The following THSD7B variants were observed in gnomAD, a reference collection of about 807,000 sequenced individuals.
THSD7B encodes the protein thrombospondin type 1 domain containing 7B, also known as thrombospondin type-1 domain-containing protein 7B.
A neutral mutation model predicts 213.6 loss-of-function variants in THSD7B; 138 were observed. The ratio of observed to expected loss-of-function variants is 0.65; its 90% CI spans 0.56 to 0.74. THSD7B has a LOEUF of 0.74. Ranked by LOEUF, THSD7B falls within the 30% of genes least tolerant of loss-of-function variation. THSD7B has a pLI of 0.00. For synonymous variants in THSD7B, 742 were observed against 687.0 expected (o/e 1.08, Z -1.25); for missense variants, 1,931 against 1,991.5 (o/e 0.97, Z 0.58).
intron 14 of THSD7B, among the ~76,000 whole-genome samples, chr2:137,431,457 A>T (rs1422706110): frequency 6.6e-6 from 1 of 152,196 alleles, no homozygotes; most frequent in Non-Finnish European, 1.5e-5. Flanking sequence ...CTGGAAGAAA[A>T]AGATCTAGCT....
chr2:137,071,784 A>G (rs1427124721), intron 3 of THSD7B, among the ~76,000 whole-genome samples: 3 of 152,274 alleles, frequency 2.0e-5, no homozygotes, highest in Non-Finnish European at 2.9e-5. Context: ...TAATTTTTGT[A>G]TAAGGTGTAA....
chr2:136,779,301 T>A (rs13023726), intron 1 of THSD7B, among the ~76,000 whole-genome samples: 5,757 of 152,072 alleles, frequency 0.038, 173 homozygotes, highest in Non-Finnish European at 0.062. Flanking sequence ...TATAAAGTTT[T>A]TCCTTTGGGA....
intron 12 of THSD7B, among the ~76,000 whole-genome samples, chr2:137,404,448 T>G (rs1686449605): frequency 2.0e-5 from 2 of 98,656 alleles, no homozygotes; most frequent in Non-Finnish European, 2.0e-5. Flanking sequence ...TATATATATA[T>G]ATATATATAT....
Position 137,088,044 on chromosome 2 carries a change from A to C in THSD7B, c.951-6829A>C, listed in dbSNP as rs1383988119. ...TGCCTGAGTTCAGGAGTTCGATACC[A>C]GCCTGGGCAACACAGTGAAACCCTG... On this transcript the variant is annotated intron_variant, in intron 3 of 27. Transcript: ENST00000409968. 2.6e-5 allele frequency among the ~76,000 whole-genome samples: 4 copies of C among 152,138 alleles called. No homozygotes were observed. In the East Asian group the frequency reaches 7.8e-4, roughly 30 times the overall value.
In THSD7B at chr2:137,677,064, A is replaced by AGTT. The variant is rs1683719085; in HGVS notation, c.*460_*462dup. On this transcript the variant is annotated 3_prime_UTR_variant, in exon 28 of 28. Coordinates refer to ENST00000409968, the MANE Select transcript of THSD7B (RefSeq NM_001316349.2). ...CATACTTCAACACTGAGTTTTCTAGAGTTTACTTTGGTTTAAAGACTTTCA... is the reference window on the plus strand; with the variant it reads ...CATACTTCAACACTGAGTTTTCTAGAGTTGTTTACTTTGGTTTAAAGACTTTCA... The AGTT allele has an allele frequency of 6.5e-6, 1 of 152,864 alleles. No individual in the cohort carries two copies. Among genetic ancestry groups the AGTT allele is most frequent in the African/African-American group, 2.4e-5 (1 of 41,464 alleles). The allele number at this position is 152,864 out of a possible 1,614,324, so 9.5% of individuals were successfully genotyped here.
At chr2:137,039,352 A>G (rs1686836616) in intron 2 of THSD7B, among the ~76,000 whole-genome samples, 4 of 152,192 alleles carry the variant, frequency 2.6e-5, no homozygotes, top group East Asian at 1.9e-4. Flanking sequence ...GTTCTCTGCT[A>G]TGGTGATTTT....
intron 2 of THSD7B, among the ~76,000 whole-genome samples, chr2:136,909,504 A>G (rs1684223100): frequency 1.3e-5 from 2 of 152,296 alleles, no homozygotes; most frequent in Middle Eastern, 3.4e-3. Flanking sequence ...CAAAGTTGTG[A>G]TTCCAGAGTC....
chr2:137,521,941 AAGATACCC>A (rs991112275), intron 15 of THSD7B, among the ~76,000 whole-genome samples: 6 of 152,162 alleles, frequency 3.9e-5, no homozygotes, highest in African/African-American at 1.4e-4. Flanking sequence ...TTTTTAGCAC[AAGATACCC>A]AGTGTTCGAA....
chr2:136,921,230 A>G (rs1010861052), intron 2 of THSD7B, among the ~76,000 whole-genome samples: 2 of 151,846 alleles, frequency 1.3e-5, no homozygotes, highest in Non-Finnish European at 2.9e-5. Flanking sequence ...AAAAAAAAAA[A>G]AAAAAAAACC....
chr2:137,579,044 G>A (rs77549335), intron 17 of THSD7B, among the ~76,000 whole-genome samples: 5 of 152,112 alleles, frequency 3.3e-5, no homozygotes, highest in African/African-American at 7.2e-5. Flanking sequence ...AATATTATCT[G>A]GATTATATGA....
intron 12 of THSD7B, among the ~76,000 whole-genome samples, chr2:137,362,740 T>A (rs1240031373): frequency 1.3e-5 from 2 of 152,054 alleles, no homozygotes; most frequent in African/African-American, 2.4e-5. Flanking sequence ...ATAAAGCAAG[T>A]CCTTAGAGAC....
intron 15 of THSD7B, among the ~76,000 whole-genome samples, chr2:137,530,920 A>G (rs879736071): frequency 5.9e-5 from 9 of 152,122 alleles, no homozygotes; most frequent in Admixed American, 3.9e-4. Context: ...GAATTCCAAT[A>G]TATAATCATC....
chr2:136,973,473 G>C (rs1685434180), intron 2 of THSD7B, among the ~76,000 whole-genome samples: 1 of 151,670 alleles, frequency 6.6e-6, no homozygotes, highest in Non-Finnish European at 1.5e-5. Context: ...CTTATAATGG[G>C]GTTGTATTTT....
intron 1 of THSD7B, among the ~76,000 whole-genome samples, chr2:136,794,572 C>T (rs1205441776): frequency 2.0e-5 from 3 of 151,846 alleles, no homozygotes; most frequent in African/African-American, 7.2e-5. Flanking sequence ...CTGTATGATT[C>T]AATCCCTTGA....
intron 2 of THSD7B, among the ~76,000 whole-genome samples, chr2:137,041,367 A>G (rs1686878794): frequency 6.6e-6 from 1 of 152,146 alleles, no homozygotes; most frequent in Non-Finnish European, 1.5e-5. Flanking sequence ...GGTGATACAT[A>G]TTAGATGTGG....
intron 15 of THSD7B, among the ~76,000 whole-genome samples, chr2:137,538,056 C>G (rs1018115815): frequency 7.3e-5 from 11 of 151,700 alleles, no homozygotes; most frequent in Admixed American, 3.3e-4. Flanking sequence ...TTAGTCTGGT[C>G]TATATGTCCT....
At chr2:136,980,957 TC>T (rs1296358374) in intron 2 of THSD7B, among the ~76,000 whole-genome samples, 1 of 151,904 alleles carries the variant, frequency 6.6e-6, no homozygotes, top group East Asian at 1.9e-4. Flanking sequence ...GCCTAGTCAG[TC>T]CCAGTGAGAT....
chr2:136,904,054 T>A (rs1381248503), intron 2 of THSD7B, among the ~76,000 whole-genome samples: 2 of 52,518 alleles, frequency 3.8e-5, no homozygotes, highest in African/African-American at 8.9e-5. Context: ...CCCAGCTGTG[T>A]CCCCAAATGT....
chr2:137,635,505 G>A (rs1319127797), intron 20 of THSD7B, among the ~76,000 whole-genome samples: 1 of 152,108 alleles, frequency 6.6e-6, no homozygotes. Flanking sequence ...GATAGGTTGG[G>A]AACTGGCTGA....
Sources: allele counts gnomAD v4.1 joint callset (sites outside exome capture counted in the v4.1 genomes callset), GRCh38; gene constraint gnomAD v4.1.1; transcripts MANE v1.5; gene names NCBI Gene and HGNC (gene_info 2026-07-23, HGNC 2026-07-21).